LSM14A: variants seen among roughly 807,000 people sequenced by gnomAD.
LSM14A encodes protein LSM14 homolog A.
A neutral mutation model predicts 52.4 loss-of-function variants in LSM14A; 14 were observed. The ratio of observed to expected loss-of-function variants is 0.27; its 90% CI spans 0.18 to 0.42. The LOEUF is 0.42. LSM14A is among the 10% of genes least tolerant of loss of function. LSM14A has a pLI of 1.00. For synonymous variants in LSM14A, 185 were observed against 200.3 expected (o/e 0.92, Z 0.64); for missense variants, 417 against 581.8 (o/e 0.72, Z 2.91).
At chr19:34,227,261 G>A in intron 9 of LSM14A, 104 bp from the exon 10 acceptor site, 1 of 748,094 alleles carries the variant, frequency 1.3e-6, no homozygotes, top group Non-Finnish European at 2.3e-6. Context: ...AGTAAAAGTG[G>A]GGGAGTATAT....
At chr19:34,186,331 C>T (rs58675092) in intron 1 of LSM14A, among the ~76,000 whole-genome samples, 2 of 152,238 alleles carry the variant, frequency 1.3e-5, no homozygotes, top group South Asian at 2.1e-4. Context: ...CAAATATTTT[C>T]GATGTTTCTG....
intron 1 of LSM14A, among the ~76,000 whole-genome samples, chr19:34,188,795 T>A (rs2070134131): frequency 6.6e-6 from 1 of 151,928 alleles, no homozygotes; most frequent in East Asian, 1.9e-4. Flanking sequence ...GTGGTTTTTT[T>A]ATGGCTGAAT....
intron 2 of LSM14A, among the ~76,000 whole-genome samples, chr19:34,196,254 A>G (rs1302818826): frequency 1.3e-5 from 2 of 152,162 alleles, no homozygotes; most frequent in African/African-American, 2.4e-5. Flanking sequence ...GAGTAAAATC[A>G]TACGTGAGAT....
chr19:34,225,426 GA>G (rs2073290862), intron 9 of LSM14A, among the ~76,000 whole-genome samples: 1 of 152,326 alleles, frequency 6.6e-6, no homozygotes, highest in African/African-American at 2.4e-5. Flanking sequence ...ACTTGTATCT[GA>G]AACATCTAAC....
intron 8 of LSM14A, 166 bp from the exon 9 acceptor site, chr19:34,221,341 C>T (rs993380698): frequency 1.3e-6 from 1 of 767,182 alleles, no homozygotes; most frequent in Admixed American, 3.0e-5. Context: ...CTCGGCCTCC[C>T]AAAGTGCTGG....
In LSM14A at chr19:34,194,606, C is replaced by G; in HGVS notation, c.250C>G (p.Gln84Glu). 6.2e-7 allele frequency: 1 copy of G among 1,614,180 alleles called. No homozygotes were observed. Among genetic ancestry groups the G allele is most frequent in the Non-Finnish European group, 8.5e-7 (1 of 1,180,028 alleles). Residue 84 changes from glutamine (Q) to glutamate (E), a missense_variant, in exon 2 of 10, where the codon CAG (glutamine) becomes GAG (glutamate). Gln to Glu is a conservative substitution (Grantham distance 29, BLOSUM62 2). Coordinates refer to ENST00000544216, the MANE Select transcript of LSM14A (RefSeq NM_015578.4). ...TACTGTTTGTGAGCCACCAAAACCA[C>G]AGTGTTCTTTGCCTCAAGACCCAGC... ...DLTVCEPPKP[Q>E]CSLPQDPAIV...
chr19:34,206,544 G>A lies in LSM14A; in HGVS notation c.416-2385G>A, dbSNP rs575174352. 4.0e-5 allele frequency among the ~76,000 whole-genome samples: 6 copies of A among 151,898 alleles called. No individual in the cohort carries two copies. The South Asian group carries it at 8.3e-4, about 21-fold the overall frequency. On this transcript the variant is annotated intron_variant, in intron 3 of 9. Transcript: ENST00000544216. ...AAAAAAATTAGTTGGGCATGGTGGC[G>A]CGCGCCTGTAGTCCCAGCTGCTCGG...
At position 34,215,113 on chromosome 19, in the gene LSM14A, T is replaced by C. The variant is rs1182881609; in HGVS notation, c.539-11T>C. On this transcript the variant is annotated splice_polypyrimidine_tract_variant and intron_variant, in intron 4 of 9. Transcript: ENST00000544216. ...AATAGGGTAGTTTGTTATCTTTTGG[T>C]TACATTTTAGGTCGCTCAAGCCCTC... The C allele has an allele frequency of 6.3e-7, 1 of 1,592,466 alleles. No homozygotes were observed.
At chr19:34,182,843 A>G (rs2069590848) in intron 1 of LSM14A, among the ~76,000 whole-genome samples, 1 of 147,990 alleles carries the variant, frequency 6.8e-6, no homozygotes, top group South Asian at 2.1e-4. Context: ...CTCCATCTCA[A>G]AAAAAAAAAA....
chr19:34,212,319 C>T (rs1418368518), intron 4 of LSM14A, among the ~76,000 whole-genome samples: 1 of 152,086 alleles, frequency 6.6e-6, no homozygotes, highest in Non-Finnish European at 1.5e-5. Context: ...AGCAAGAATT[C>T]ATCTTAAAAG....
chr19:34,224,472 T>C (rs913572551), intron 9 of LSM14A, among the ~76,000 whole-genome samples: 5 of 152,366 alleles, frequency 3.3e-5, no homozygotes, highest in African/African-American at 1.2e-4. Context: ...TATTGCAGAA[T>C]TGAAAATGCA....
At chr19:34,192,319 G>GTTGTTGTTTTTTT (rs60512063) in intron 1 of LSM14A, among the ~76,000 whole-genome samples, 12 of 53,406 alleles carry the variant, frequency 2.2e-4, no homozygotes, top group African/African-American at 4.9e-4. Context: ...TCTTTTTGTT[G>GTTGTTGTTTTTTT]TTTTTTTTTT....
At chr19:34,204,429 C>G (rs1300611920) in intron 3 of LSM14A, among the ~76,000 whole-genome samples, 1 of 152,008 alleles carries the variant, frequency 6.6e-6, no homozygotes, top group African/African-American at 2.4e-5. Context: ...TAAATCTAGA[C>G]CAGATGTGAT....
At chr19:34,208,354 A>C (rs2071865773) in intron 3 of LSM14A, 1 of 152,242 alleles carries the variant, frequency 6.6e-6, no homozygotes, top group African/African-American at 2.4e-5. Context: ...AATTTGATAT[A>C]ACCTAGTATG....
chr19:34,197,073 A>C (rs2070895564), intron 3 of LSM14A, among the ~76,000 whole-genome samples: 2 of 152,054 alleles, frequency 1.3e-5, no homozygotes, highest in South Asian at 4.2e-4. Context: ...ATATCTACCA[A>C]ATCTTATTGG....
At chr19:34,173,274 C>T (rs2068842660) in intron 1 of LSM14A, among the ~76,000 whole-genome samples, 1 of 152,204 alleles carries the variant, frequency 6.6e-6, no homozygotes, top group African/African-American at 2.4e-5. Flanking sequence ...CAGACATTCT[C>T]GAAATGCCAT....
At chr19:34,186,066 T>A (rs1447780168) in intron 1 of LSM14A, among the ~76,000 whole-genome samples, 1 of 152,254 alleles carries the variant, frequency 6.6e-6, no homozygotes, top group Non-Finnish European at 1.5e-5. Flanking sequence ...CTTTTTCTGC[T>A]GTGTGATTTA....
chr19:34,201,086 C>G (rs2071252473), intron 3 of LSM14A, among the ~76,000 whole-genome samples: 1 of 152,036 alleles, frequency 6.6e-6, no homozygotes. Flanking sequence ...ATATTTTAAT[C>G]TAATTTTAAT....
At position 34,228,394 on chromosome 19, in the gene LSM14A, A is replaced by G. The variant is rs915823069; in HGVS notation, c.*1006A>G. On this transcript the variant is annotated 3_prime_UTR_variant, in exon 10 of 10. Transcript: ENST00000544216. ...ACTTAGCTGTATTTTCAAATAAGTA[A>G]TCTTCCCCCCTTTTGTAGGACTTTA... 1 of 152,654 alleles carries G rather than the reference A, an allele frequency of 6.6e-6. No homozygotes were observed. Among genetic ancestry groups the G allele is most frequent in the Non-Finnish European group, 1.5e-5 (1 of 68,040 alleles). 9.5% of individuals were successfully genotyped at this position (152,654 alleles called of 1,614,324 possible).
Sources: allele counts gnomAD v4.1 joint callset (sites outside exome capture counted in the v4.1 genomes callset), GRCh38; gene constraint gnomAD v4.1.1; transcripts MANE v1.5; gene names NCBI Gene and HGNC (gene_info 2026-07-23, HGNC 2026-07-21).